Variants in PPARGC1A observed in about 807,000 individuals in gnomAD.
The protein encoded by PPARGC1A is peroxisome proliferator-activated receptor gamma coactivator 1-alpha.
In PPARGC1A, 25 loss-of-function variants were observed where a neutral mutation model predicts 88.7. The observed-to-expected ratio is 0.28, with a 90% CI of 0.21 to 0.39. The LOEUF (loss-of-function observed/expected upper bound fraction) is 0.39, where lower values mean the gene tolerates loss of function less well. Among genes scored for constraint, PPARGC1A ranks in the 10% least tolerant of loss-of-function variants. PPARGC1A has a pLI of 1.00. For missense variants in PPARGC1A, 880 were observed against 968.7 expected, an observed-to-expected ratio of 0.91 and a Z score of 1.22; for synonymous variants, 363 against 355.6, an observed-to-expected ratio of 1.02 and a Z score of -0.24.
At chr4:24,229,932 T>C in the PPARGC1A span, among the ~76,000 whole-genome samples, 5 of 152,014 alleles carry the variant, frequency 3.3e-5, no homozygotes, top group Non-Finnish European at 5.9e-5. Flanking sequence ...TATTTCTCTA[T>C]AAGGGACAAC....
intron 7 of PPARGC1A, among the ~76,000 whole-genome samples, chr4:23,821,686 G>T (rs61535365): frequency 3.3e-5 from 5 of 151,956 alleles, no homozygotes; most frequent in African/African-American, 1.2e-4. Context: ...TAATAAGGGG[G>T]CACTCATATT....
chr4:23,873,873 G>C (rs1185468323), intron 2 of PPARGC1A, among the ~76,000 whole-genome samples: 1 of 152,126 alleles, frequency 6.6e-6, no homozygotes, highest in Non-Finnish European at 1.5e-5. Context: ...CCAAGTACTA[G>C]CTGAAAATGA....
At chr4:23,797,194 C>T (rs1452191674) in intron 12 of PPARGC1A, among the ~76,000 whole-genome samples, 2 of 151,964 alleles carry the variant, frequency 1.3e-5, no homozygotes, top group African/African-American at 2.4e-5. Flanking sequence ...TCATAAAAAA[C>T]GGAGACAAAA....
chr4:24,041,912 C>CA, the PPARGC1A span, among the ~76,000 whole-genome samples: 543 of 136,410 alleles, frequency 4.0e-3, 4 homozygotes, highest in African/African-American at 0.011. Context: ...GGCATCCCAC[C>CA]AAAAAAAAAA....
At chr4:24,182,154 C>T in the PPARGC1A span, among the ~76,000 whole-genome samples, 1 of 152,076 alleles carries the variant, frequency 6.6e-6, no homozygotes, top group African/African-American at 2.4e-5. Flanking sequence ...CTTCTTGCTC[C>T]CACCCCGACA....
At chr4:23,897,386 C>T (rs1174657547) in intron 1 of PPARGC1A, among the ~76,000 whole-genome samples, 1 of 152,130 alleles carries the variant, frequency 6.6e-6, no homozygotes, top group Non-Finnish European at 1.5e-5. Flanking sequence ...GAACATGGCC[C>T]TCATTCAGCT....
At chr4:24,304,552 G>A in the PPARGC1A span, among the ~76,000 whole-genome samples, 1 of 152,182 alleles carries the variant, frequency 6.6e-6, no homozygotes, top group African/African-American at 2.4e-5. Flanking sequence ...GGCTGAGCTG[G>A]GATTCAAACC....
At chr4:24,343,853 T>C in the PPARGC1A span, among the ~76,000 whole-genome samples, 1 of 152,074 alleles carries the variant, frequency 6.6e-6, no homozygotes, top group Non-Finnish European at 1.5e-5. Context: ...CCGAGCAGTA[T>C]ACATTGCACC....
At chr4:24,449,845 G>A in the PPARGC1A span, among the ~76,000 whole-genome samples, 5 of 152,114 alleles carry the variant, frequency 3.3e-5, no homozygotes, top group East Asian at 9.6e-4. Context: ...TAATTGGATT[G>A]TATTTTCTGA....
At chr4:24,216,139 ACTC>A in the PPARGC1A span, among the ~76,000 whole-genome samples, 18 of 120,346 alleles carry the variant, frequency 1.5e-4, no homozygotes, top group Non-Finnish European at 2.8e-4. Context: ...TTTGCAGCTA[ACTC>A]TTTTTTTTTT....
At chr4:24,236,095 C>A in the PPARGC1A span, among the ~76,000 whole-genome samples, 4 of 152,128 alleles carry the variant, frequency 2.6e-5, no homozygotes, top group Non-Finnish European at 5.9e-5. Context: ...AAGAAGAAAA[C>A]GAAATTGGTA....
chr4:24,107,149 A>G, the PPARGC1A span, among the ~76,000 whole-genome samples: 1 of 152,254 alleles, frequency 6.6e-6, no homozygotes, highest in Non-Finnish European at 1.5e-5. Context: ...ACATTAGGAA[A>G]TTGGATAATA....
At chr4:23,852,963 G>C (rs1255911361) in intron 2 of PPARGC1A, among the ~76,000 whole-genome samples, 1 of 152,140 alleles carries the variant, frequency 6.6e-6, no homozygotes, top group East Asian at 1.9e-4. Context: ...TCTTTTGCAG[G>C]TTAACAGGAT....
chr4:23,813,414 T>C (rs1409306396), intron 8 of PPARGC1A, among the ~76,000 whole-genome samples: 28 of 152,246 alleles, frequency 1.8e-4, no homozygotes. Flanking sequence ...ACAGGGCAGC[T>C]CTCCAGGTAA....
At chr4:24,357,085 T>A in the PPARGC1A span, among the ~76,000 whole-genome samples, 1 of 152,228 alleles carries the variant, frequency 6.6e-6, no homozygotes, top group Admixed American at 6.5e-5. Context: ...GAGACAGGTC[T>A]GCACCATCAT....
At chr4:24,323,894 G>A in the PPARGC1A span, among the ~76,000 whole-genome samples, 1 of 152,118 alleles carries the variant, frequency 6.6e-6, no homozygotes, top group Non-Finnish European at 1.5e-5. Flanking sequence ...CTCTTCTCCA[G>A]CTTCCCTCAC....
the PPARGC1A span, among the ~76,000 whole-genome samples, chr4:24,433,403 G>C: frequency 2.0e-5 from 3 of 152,056 alleles, no homozygotes; most frequent in African/African-American, 7.2e-5. Flanking sequence ...CAACTCCTCA[G>C]CAGTTTACTT....
the PPARGC1A span, among the ~76,000 whole-genome samples, chr4:24,077,172 T>C: frequency 6.6e-6 from 1 of 152,116 alleles, no homozygotes; most frequent in Admixed American, 6.5e-5. Flanking sequence ...GTGCTCCCCT[T>C]TGCCTTCACT....
the PPARGC1A span, among the ~76,000 whole-genome samples, chr4:24,092,728 GAAC>G: frequency 6.6e-6 from 1 of 152,156 alleles, no homozygotes; most frequent in East Asian, 1.9e-4. Flanking sequence ...CCATTCTACA[GAAC>G]AACCCTTCAG....
Sources: gnomAD v4.1 joint callset for allele counts (sites outside exome capture counted in the v4.1 genomes callset) on GRCh38, gnomAD v4.1.1 for gene constraint, MANE v1.5 for transcripts, NCBI Gene and HGNC (gene_info 2026-07-23, HGNC 2026-07-21) for gene names.